Variants in SIPA1L3 observed in about 807,000 individuals in gnomAD.
SIPA1L3 encodes the protein signal-induced proliferation-associated 1-like protein 3.
SIPA1L3 carries 59 observed loss-of-function variants against 150.1 expected under a neutral mutation model. The observed-to-expected ratio is 0.39, with a 90% CI of 0.32 to 0.49. SIPA1L3 has a LOEUF of 0.49. Among genes scored for constraint, SIPA1L3 ranks in the 20% least tolerant of loss-of-function variants. The probability of loss-of-function intolerance (pLI) is 0.86; values close to 1 mark genes in which losing one functional copy is unlikely to be tolerated. For synonymous variants in SIPA1L3, 1,070 were observed against 1,077.6 expected (o/e 0.99, Z 0.14); for missense variants, 2,211 against 2,489.5 (o/e 0.89, Z 2.38).
intron 1 of SIPA1L3, among the ~76,000 whole-genome samples, chr19:37,965,812 A>G (rs2046899333): frequency 6.8e-6 from 1 of 148,122 alleles, no homozygotes; most frequent in Admixed American, 7.0e-5. Context: ...ATTAAATTCC[A>G]CGTCAACCCT....
intron 7 of SIPA1L3, chr19:38,109,918 G>A (rs1215153314): frequency 3.1e-6 from 1 of 326,074 alleles, no homozygotes; most frequent in Non-Finnish European, 5.8e-6. Flanking sequence ...GGAGGGTGAG[G>A]TTTATGCAAG....
intron 8 of SIPA1L3, among the ~76,000 whole-genome samples, chr19:38,116,321 A>G (rs1970879185): frequency 6.6e-6 from 1 of 151,756 alleles, no homozygotes; most frequent in Non-Finnish European, 1.5e-5. Flanking sequence ...CAGCCTGACC[A>G]ACATGGTGAA....
chr19:38,181,565 C>G (rs75812153), intron 15 of SIPA1L3, among the ~76,000 whole-genome samples: 1 of 151,924 alleles, frequency 6.6e-6, no homozygotes, highest in Non-Finnish European at 1.5e-5. Flanking sequence ...AAAGGTTGAC[C>G]GGGTGCGGTG....
chr19:37,967,270 T>C (rs1244281929), intron 1 of SIPA1L3, among the ~76,000 whole-genome samples: 13 of 151,176 alleles, frequency 8.6e-5, no homozygotes, highest in Admixed American at 6.6e-5. Context: ...TTTTTTTTTT[T>C]GAGATGGAGT....
intron 8 of SIPA1L3, among the ~76,000 whole-genome samples, chr19:38,118,392 TG>T (rs1970938827): frequency 6.6e-6 from 1 of 151,720 alleles, no homozygotes; most frequent in Admixed American, 6.6e-5. Flanking sequence ...GCCACTGCCC[TG>T]AGGGAGTAGG....
intron 3 of SIPA1L3, among the ~76,000 whole-genome samples, chr19:38,084,920 G>A (rs779170668): frequency 3.9e-5 from 6 of 151,976 alleles, no homozygotes; most frequent in East Asian, 1.9e-4. Context: ...GATTACAGGC[G>A]TGAGCCACCA....
intron 1 of SIPA1L3, among the ~76,000 whole-genome samples, chr19:37,912,506 C>CT (rs1191360974): frequency 1.3e-5 from 2 of 151,878 alleles, no homozygotes; most frequent in Non-Finnish European, 2.9e-5. Context: ...CAGCTGTGAT[C>CT]TTTTTTTTAG....
At chr19:38,124,437 A>G (rs1971120628) in intron 9 of SIPA1L3, among the ~76,000 whole-genome samples, 4 of 146,924 alleles carry the variant, frequency 2.7e-5, no homozygotes, top group Non-Finnish European at 5.9e-5. Flanking sequence ...CACTTCCTAG[A>G]TGGGATGGCG....
chr19:37,924,464 A>C (rs1244031428), intron 1 of SIPA1L3, among the ~76,000 whole-genome samples: 1 of 150,720 alleles, frequency 6.6e-6, no homozygotes, highest in African/African-American at 2.4e-5. Flanking sequence ...CTAAAATAAC[A>C]ATAAAAAGTA....
intron 9 of SIPA1L3, among the ~76,000 whole-genome samples, chr19:38,125,781 T>C (rs1217955995): frequency 1.3e-5 from 2 of 152,184 alleles, no homozygotes; most frequent in Non-Finnish European, 2.9e-5. Context: ...ATGAGTGTTG[T>C]TATGCGCCTG....
Position 38,082,263 on chromosome 19 carries a change from G to A in SIPA1L3, c.698G>A (p.Arg233Gln), listed in dbSNP as rs756536229. 10 of 1,600,396 alleles carry A rather than the reference G, an allele frequency of 6.2e-6. No individual in the cohort carries two copies. The highest frequency in any genetic ancestry group is 8.5e-6 in the Non-Finnish European group (10 of 1,179,736). Residue 233 changes from arginine to glutamine, a missense_variant, in exon 3 of 22, where the codon CGA becomes CAA. This residue lies in a region of SIPA1L3 where 587 missense variants were observed against 534.5 expected (regional missense o/e 1.10). Transcript: ENST00000222345. ...TTCCGCAGCGAGCAGCCCGACGCCC[G>A]AGGGTGCCAGGCCCTCACCGAGCTC... ...NEFRSEQPDA[R>Q]GCQALTELLR...
At chr19:37,939,865 T>TC (rs2046637195) in intron 1 of SIPA1L3, among the ~76,000 whole-genome samples, 1 of 152,174 alleles carries the variant, frequency 6.6e-6, no homozygotes, top group Non-Finnish European at 1.5e-5. Context: ...TCTGAGGTGT[T>TC]CCCTAGTGGA....
chr19:37,986,774 CT>C (rs1568490000), intron 1 of SIPA1L3, among the ~76,000 whole-genome samples: 2 of 152,190 alleles, frequency 1.3e-5, no homozygotes, highest in South Asian at 4.2e-4. Context: ...GGTGTGGAGA[CT>C]TTTTTTTCTT....
rs545569281 is a variant in SIPA1L3 at position 38,133,645 on chromosome 19, G to A, written c.3143+2873G>A. ...GAATGAGATGATTTTATATCACAGAGTGGGGAGGCAGGAGAGCATAGCAGG... is the reference window on the plus strand; with the variant it reads ...GAATGAGATGATTTTATATCACAGAATGGGGAGGCAGGAGAGCATAGCAGG... On this transcript the variant is annotated intron_variant, in intron 10 of 21. Transcript: ENST00000222345. Among the ~76,000 whole-genome samples the A allele has an allele frequency of 9.2e-5, 14 of 152,296 alleles. No individual in the cohort carries two copies. In the East Asian group the frequency reaches 9.7e-4, roughly 11 times the overall value.
At chr19:38,148,414 G>A (rs1277485482) in intron 12 of SIPA1L3, among the ~76,000 whole-genome samples, 6 of 151,732 alleles carry the variant, frequency 4.0e-5, no homozygotes, top group Non-Finnish European at 8.8e-5. Context: ...CCCCTGGCAA[G>A]GTCACATTGC....
At chr19:38,121,332 G>A (rs1425937362) in intron 9 of SIPA1L3, among the ~76,000 whole-genome samples, 1 of 151,956 alleles carries the variant, frequency 6.6e-6, no homozygotes, top group Non-Finnish European at 1.5e-5. Flanking sequence ...CGGCTACTTG[G>A]GAGGCTGAGG....
At chr19:37,967,251 C>T (rs528770226) in intron 1 of SIPA1L3, among the ~76,000 whole-genome samples, 2 of 151,482 alleles carry the variant, frequency 1.3e-5, no homozygotes, top group East Asian at 3.9e-4. Flanking sequence ...GAAGTTCCCC[C>T]CCACCCTTTT....
At chr19:38,107,455 C>T (rs1475974854) in intron 7 of SIPA1L3, among the ~76,000 whole-genome samples, 2 of 152,238 alleles carry the variant, frequency 1.3e-5, no homozygotes, top group Non-Finnish European at 2.9e-5. Flanking sequence ...CGCCACCAAA[C>T]ACTCATTGCC....
At chr19:38,141,486 C>A in intron 11 of SIPA1L3, 51 bp downstream of exon 11, 2 of 1,556,902 alleles carry the variant, frequency 1.3e-6, no homozygotes, top group Non-Finnish European at 1.7e-6. Flanking sequence ...CCAGCCCACA[C>A]CCATCCTCCG....
Sources: allele counts gnomAD v4.1 joint callset (sites outside exome capture counted in the v4.1 genomes callset), GRCh38; gene constraint gnomAD v4.1.1; regional missense constraint gnomAD v4.1.1; transcripts MANE v1.5; gene names NCBI Gene and HGNC (gene_info 2026-07-23, HGNC 2026-07-21).